Variants in TRAPPC9 observed in about 807,000 individuals in gnomAD.
The protein encoded by TRAPPC9 is IKK2 binding protein.
TRAPPC9 carries 83 observed loss-of-function variants against 124.0 expected under a neutral mutation model. The ratio of observed to expected loss-of-function variants is 0.67; its 90% CI spans 0.56 to 0.80. TRAPPC9 has a LOEUF of 0.80. Ranked by LOEUF, TRAPPC9 falls within the 30% of genes least tolerant of loss-of-function variation. TRAPPC9 has a pLI of 0.00. For synonymous variants in TRAPPC9, 638 were observed against 617.5 expected, an observed-to-expected ratio of 1.03 and a Z score of -0.49; for missense variants, 1,302 against 1,508.3, an observed-to-expected ratio of 0.86 and a Z score of 2.27.
intron 17 of TRAPPC9, chr8:140,039,793 G>T (rs1181828620): frequency 6.6e-6 from 1 of 152,208 alleles, no homozygotes; most frequent in African/African-American, 2.4e-5. Flanking sequence ...GCTGTATGAG[G>T]CACCTAATCA....
chr8:139,979,847 G>T (rs1836767721), intron 19 of TRAPPC9, among the ~76,000 whole-genome samples: 1 of 152,168 alleles, frequency 6.6e-6, no homozygotes, highest in Non-Finnish European at 1.5e-5. Flanking sequence ...TTGAGGGAAA[G>T]AAGAGCCGTG....
At chr8:140,169,773 C>G (rs568971223) in intron 17 of TRAPPC9, among the ~76,000 whole-genome samples, 3 of 152,268 alleles carry the variant, frequency 2.0e-5, no homozygotes, top group African/African-American at 7.2e-5. Context: ...GGAGGAGGAT[C>G]GGCTGCTAGA....
intron 20 of TRAPPC9, among the ~76,000 whole-genome samples, chr8:139,892,765 C>T (rs577441698): frequency 6.8e-4 from 104 of 152,300 alleles, no homozygotes; most frequent in Middle Eastern, 3.4e-3. Flanking sequence ...ACTATAGAAG[C>T]GCATCGAGGC....
At chr8:140,017,892 G>A (rs1358573978) in intron 18 of TRAPPC9, among the ~76,000 whole-genome samples, 1 of 152,086 alleles carries the variant, frequency 6.6e-6, no homozygotes, top group Non-Finnish European at 1.5e-5. Flanking sequence ...TGCCCAGGCT[G>A]GAGTGCAGTG....
At chr8:140,300,342 C>T in intron 11 of TRAPPC9, 127 bp downstream of exon 11, 1 of 1,210,570 alleles carries the variant, frequency 8.3e-7, no homozygotes, top group Non-Finnish European at 1.2e-6. Context: ...TGCATGCGTG[C>T]ACACATCCAC....
chr8:140,329,622 T>A (rs2131991937), intron 9 of TRAPPC9, among the ~76,000 whole-genome samples: 1 of 152,334 alleles, frequency 6.6e-6, no homozygotes, highest in Non-Finnish European at 1.5e-5. Context: ...ACACTGCTAG[T>A]AAGTGAGGCT....
At chr8:140,120,430 C>T (rs2060962169) in intron 17 of TRAPPC9, among the ~76,000 whole-genome samples, 1 of 152,216 alleles carries the variant, frequency 6.6e-6, no homozygotes, top group African/African-American at 2.4e-5. Context: ...GTGCTTCTCC[C>T]AGGAAGGAAT....
At chr8:139,755,883 G>T (rs1209910848) in intron 21 of TRAPPC9, among the ~76,000 whole-genome samples, 1 of 139,102 alleles carries the variant, frequency 7.2e-6, no homozygotes, top group African/African-American at 2.9e-5. Context: ...GAAGAGCCAG[G>T]GTTTGGGGAT....
Position 140,206,771 on chromosome 8 carries a change from A to T in TRAPPC9, c.2556+14688T>A, listed in dbSNP as rs148732859. Among the ~76,000 whole-genome samples the T allele has an allele frequency of 1.4e-3, 208 of 151,778 alleles. 1 individual carries two copies. Among genetic ancestry groups the T allele is most frequent in the African/African-American group, 4.7e-3 (195 of 41,314 alleles). Reference sequence around the variant, plus strand: ...CATATACATACATATATATATATATATATTTAAAAAGCCCGTTTCTCCTTG... The same window carrying T: ...CATATACATACATATATATATATATTTATTTAAAAAGCCCGTTTCTCCTTG... On this transcript the variant is annotated intron_variant, in intron 17 of 22. Transcript: ENST00000438773.
At chr8:140,017,931 C>T (rs1394070948) in intron 18 of TRAPPC9, among the ~76,000 whole-genome samples, 1 of 152,076 alleles carries the variant, frequency 6.6e-6, no homozygotes, top group Non-Finnish European at 1.5e-5. Flanking sequence ...ACAACTTCCA[C>T]CTCCTGGGTT....
intron 17 of TRAPPC9, among the ~76,000 whole-genome samples, chr8:140,060,033 G>A (rs1300881899): frequency 6.6e-6 from 1 of 152,158 alleles, no homozygotes; most frequent in Non-Finnish European, 1.5e-5. Context: ...GTTTTGTAGG[G>A]CACTGTGAGT....
At chr8:139,779,509 G>C (rs908055687) in intron 21 of TRAPPC9, among the ~76,000 whole-genome samples, 2 of 151,912 alleles carry the variant, frequency 1.3e-5, no homozygotes, top group Admixed American at 6.6e-5. Flanking sequence ...AAGTCCTGTG[G>C]GGCTTATAAT....
chr8:140,352,957 C>A (rs896805529), intron 9 of TRAPPC9, among the ~76,000 whole-genome samples: 1 of 152,178 alleles, frequency 6.6e-6, no homozygotes. Flanking sequence ...TTACTAAGCA[C>A]TTCTTGGCAG....
intron 17 of TRAPPC9, among the ~76,000 whole-genome samples, chr8:140,080,481 G>A (rs894808653): frequency 9.2e-5 from 14 of 152,352 alleles, no homozygotes; most frequent in Middle Eastern, 3.4e-3. Flanking sequence ...CATGGGCTGC[G>A]TCAAGATGTA....
intron 21 of TRAPPC9, among the ~76,000 whole-genome samples, chr8:139,826,070 G>C (rs1440724414): frequency 2.6e-5 from 4 of 152,194 alleles, no homozygotes; most frequent in African/African-American, 9.6e-5. Context: ...AGGTCTTCCT[G>C]GCCAGGTCTG....
At chr8:140,072,771 G>A (rs953280171) in intron 17 of TRAPPC9, among the ~76,000 whole-genome samples, 4 of 151,756 alleles carry the variant, frequency 2.6e-5, no homozygotes, top group Non-Finnish European at 5.9e-5. Flanking sequence ...ATGTGCATAT[G>A]TATATATATA....
At chr8:140,019,655 C>T (rs1363312758) in intron 18 of TRAPPC9, among the ~76,000 whole-genome samples, 5 of 142,850 alleles carry the variant, frequency 3.5e-5, no homozygotes, top group Admixed American at 7.5e-5. Context: ...TGGGTTCAAG[C>T]GATTCTCATG....
intron 14 of TRAPPC9, among the ~76,000 whole-genome samples, chr8:140,282,041 A>G (rs147176602): frequency 2.0e-5 from 3 of 152,368 alleles, no homozygotes; most frequent in African/African-American, 7.2e-5. Context: ...GACAGAGACC[A>G]GGACTGTCAT....
chr8:140,292,369 C>A (rs530266238), intron 11 of TRAPPC9, among the ~76,000 whole-genome samples: 2 of 152,300 alleles, frequency 1.3e-5, no homozygotes, highest in Admixed American at 6.5e-5. Flanking sequence ...GCGAGAGGAG[C>A]TGCTGGATTC....
Sources: allele counts gnomAD v4.1 joint callset (sites outside exome capture counted in the v4.1 genomes callset), GRCh38; gene constraint gnomAD v4.1.1; transcripts MANE v1.5; gene names NCBI Gene and HGNC (gene_info 2026-07-23, HGNC 2026-07-21).